PRR11: variants seen among roughly 807,000 people sequenced by gnomAD.
PRR11 encodes proline rich 11, also known as proline-rich protein 11.
Under a neutral mutation model 45.6 loss-of-function variants are expected in PRR11, and 30 were observed. The observed-to-expected ratio is 0.66, with a 90% CI of 0.49 to 0.89. The LOEUF is 0.89. Ranked by LOEUF, PRR11 falls within the 40% of genes least tolerant of loss-of-function variation. The pLI, the probability that PRR11 is intolerant of heterozygous loss-of-function variation, is 0.00. For missense variants in PRR11, 373 were observed against 424.8 expected (o/e 0.88, Z 1.07); for synonymous variants, 128 against 153.5 (o/e 0.83, Z 1.23).
chr17:59,162,089 G>A (rs922561044), intron 1 of PRR11, among the ~76,000 whole-genome samples: 1 of 151,978 alleles, frequency 6.6e-6, no homozygotes, highest in African/African-American at 2.4e-5. Flanking sequence ...AACTATCTAG[G>A]AATTATCTCA....
rs1049337935 is a variant in PRR11, at chr17:59,193,735, G to A, written c.645+1G>A. ...ACCCAGTCTCGCTAAAGCACTTCAGGTAGGTAACAATCTAGTAATGATATG... is the reference window on the plus strand; with the variant it reads ...ACCCAGTCTCGCTAAAGCACTTCAGATAGGTAACAATCTAGTAATGATATG... On this transcript the variant is annotated splice_donor_variant, in intron 5 of 9. Transcript: ENST00000262293. LOFTEE classifies it high-confidence loss of function. The A allele has an allele frequency of 1.9e-6, 3 of 1,613,246 alleles. No homozygotes were observed. The highest frequency in any genetic ancestry group is 2.7e-5 in the African/African-American group (2 of 74,874).
At chr17:59,188,424 A>C (rs545066209) in intron 4 of PRR11, among the ~76,000 whole-genome samples, 1 of 152,336 alleles carries the variant, frequency 6.6e-6, no homozygotes, top group East Asian at 1.9e-4. Flanking sequence ...AATTTTGTAC[A>C]TATGTACAAA....
chr17:59,178,655 G>T, intron 2 of PRR11: 1 of 506,860 alleles, frequency 2.0e-6, no homozygotes, highest in Non-Finnish European at 3.9e-6. Flanking sequence ...AGGTGAGGTG[G>T]ATGGGAAAGA....
At chr17:59,174,364 G>T (rs544831893) in intron 2 of PRR11, among the ~76,000 whole-genome samples, 1 of 152,318 alleles carries the variant, frequency 6.6e-6, no homozygotes, top group South Asian at 2.1e-4. Flanking sequence ...GAAGTCTCAT[G>T]CTCTGTGCTG....
chr17:59,184,296 T>C (rs1161350962), intron 2 of PRR11, among the ~76,000 whole-genome samples: 2 of 151,922 alleles, frequency 1.3e-5, no homozygotes, highest in Non-Finnish European at 2.9e-5. Flanking sequence ...ACCCCGTCTC[T>C]ACTAAAAATA....
intron 1 of PRR11, among the ~76,000 whole-genome samples, chr17:59,161,305 A>G (rs199889158): frequency 1.9e-4 from 29 of 151,636 alleles, no homozygotes; most frequent in Non-Finnish European, 2.9e-4. Flanking sequence ...TACTCGGGAG[A>G]CTGAGGCAGG....
chr17:59,164,659 C>A (rs2046670287), intron 1 of PRR11, among the ~76,000 whole-genome samples: 1 of 152,086 alleles, frequency 6.6e-6, no homozygotes, highest in African/African-American at 2.4e-5. Context: ...CCTGGCCGTA[C>A]AGGACTTCAA....
chr17:59,160,658 T>C (rs1174316034), intron 1 of PRR11: 1 of 152,206 alleles, frequency 6.6e-6, no homozygotes, highest in Non-Finnish European at 1.5e-5. Flanking sequence ...AGAAATCTTT[T>C]CTTAATGAAA....
chr17:59,190,316 A>G (rs1195770468), intron 4 of PRR11, among the ~76,000 whole-genome samples: 2 of 151,958 alleles, frequency 1.3e-5, no homozygotes, highest in Admixed American at 1.3e-4. Flanking sequence ...CTAAAAATAC[A>G]AAAAAATTAG....
rs1286031894 is a variant in PRR11 at position 59,206,483 on chromosome 17, T to A, written c.*4852T>A. 1.3e-5 allele frequency among the ~76,000 whole-genome samples: 2 copies of A among 152,194 alleles called. No individual in the cohort carries two copies. ...GCTGCTACTGCCATTGTACCAGTGT[T>A]AAAATGTGTTCTACCTTGCATCTTT... is the stretch of plus-strand genomic sequence containing the variant. On this transcript the variant is annotated 3_prime_UTR_variant, in exon 10 of 10. Transcript: ENST00000262293.
chr17:59,173,198 A>G (rs2147839753), intron 2 of PRR11, among the ~76,000 whole-genome samples: 1 of 152,320 alleles, frequency 6.6e-6, no homozygotes, highest in East Asian at 1.9e-4. Context: ...TTGTAAAGGC[A>G]CCAATCAGCA....
intron 1 of PRR11, among the ~76,000 whole-genome samples, chr17:59,156,192 T>G (rs997803462): frequency 7.9e-5 from 12 of 152,210 alleles, no homozygotes; most frequent in African/African-American, 2.9e-4. Context: ...TTTAACAAGA[T>G]TTCCCTGAGT....
At chr17:59,179,973 G>A (rs2046772104) in intron 2 of PRR11, 3 of 1,180,566 alleles carry the variant, frequency 2.5e-6, no homozygotes, top group Admixed American at 1.9e-5. Context: ...ATCCTCCCCA[G>A]CCTCGCAGAC....
intron 2 of PRR11, among the ~76,000 whole-genome samples, chr17:59,180,457 C>CTCCTCAGG (rs2046775991): frequency 2.0e-5 from 3 of 149,810 alleles, no homozygotes; most frequent in Admixed American, 1.3e-4. Flanking sequence ...TCCCACACAC[C>CTCCTCAGG]TCCTCAGGTG....
chr17:59,164,319 C>T (rs2046668576), intron 1 of PRR11, among the ~76,000 whole-genome samples: 1 of 152,126 alleles, frequency 6.6e-6, no homozygotes, highest in African/African-American at 2.4e-5. Context: ...ATTTTTTTAT[C>T]ACCATTATCC....
In PRR11 at chr17:59,164,626, A is replaced by G. The variant is rs192595709; in HGVS notation, c.-5-5122A>G. ...GACTCAGCCTTAGATAGAAGTTTCCAGTGGCATTTGTCTATAGAAGGTCCT... is the reference window on the plus strand; with the variant it reads ...GACTCAGCCTTAGATAGAAGTTTCCGGTGGCATTTGTCTATAGAAGGTCCT... On this transcript the variant is annotated intron_variant, in intron 1 of 9. Transcript: ENST00000262293. 4.3e-4 allele frequency among the ~76,000 whole-genome samples: 66 copies of G among 152,250 alleles called. 1 individual carries two copies. Among genetic ancestry groups the G allele is most frequent in the African/African-American group, 1.5e-3 (62 of 41,554 alleles).
rs536276198 is a variant in PRR11, at chr17:59,166,816, G to A, written c.-5-2932G>A. On this transcript the variant is annotated intron_variant, in intron 1 of 9. Transcript: ENST00000262293. ...TAATTTGCTGTTAGTGTATCAAGTGGCATTGCCACTTTTTATTTTTTTATT... is the reference window on the plus strand; with the variant it reads ...TAATTTGCTGTTAGTGTATCAAGTGACATTGCCACTTTTTATTTTTTTATT... Among the ~76,000 whole-genome samples, 14 of 152,140 alleles carry A rather than the reference G, an allele frequency of 9.2e-5. No individual in the cohort carries two copies. In the South Asian group the frequency reaches 2.5e-3, roughly 27 times the overall value.
intron 9 of PRR11, among the ~76,000 whole-genome samples, chr17:59,200,083 C>CAACAAAAATTG (rs2046885127): frequency 6.6e-6 from 1 of 152,192 alleles, no homozygotes; most frequent in Non-Finnish European, 1.5e-5. Context: ...TGTAAAGCCA[C>CAACAAAAATTG]ATATTGAACA....
At chr17:59,168,860 T>A (rs1435336974) in intron 1 of PRR11, among the ~76,000 whole-genome samples, 1 of 152,198 alleles carries the variant, frequency 6.6e-6, no homozygotes, top group Non-Finnish European at 1.5e-5. Context: ...TGACAGATTG[T>A]CTAATCTTTT....
Sources: gnomAD v4.1 joint callset for allele counts (sites outside exome capture counted in the v4.1 genomes callset) on GRCh38, gnomAD v4.1.1 for gene constraint, MANE v1.5 for transcripts, NCBI Gene and HGNC (gene_info 2026-07-23, HGNC 2026-07-21) for gene names.